Variants in CSMD3 observed in about 807,000 individuals in gnomAD.
CSMD3 encodes the protein CUB and sushi domain-containing protein 3.
In CSMD3, 177 loss-of-function variants were observed where a neutral mutation model predicts 435.2. The ratio of observed to expected loss-of-function variants is 0.41; its 90% confidence interval spans 0.36 to 0.46. CSMD3 has a LOEUF of 0.46. Ranked by LOEUF, CSMD3 falls within the 20% of genes least tolerant of loss-of-function variation. CSMD3 has a pLI of 0.34. For missense variants in CSMD3, 4,265 were observed against 4,504.6 expected, an observed-to-expected ratio of 0.95 and a Z score of 1.52; for synonymous variants, 1,656 against 1,520.5, an observed-to-expected ratio of 1.09 and a Z score of -2.07.
intron 10 of CSMD3, among the ~76,000 whole-genome samples, chr8:112,860,425 G>A (rs1414399481): frequency 1.3e-5 from 2 of 151,532 alleles, no homozygotes; most frequent in Non-Finnish European, 3.0e-5. Flanking sequence ...ATAATAAATT[G>A]TATTTTTCTT....
At chr8:112,858,325 ATAACT>A (rs533525638) in intron 11 of CSMD3, among the ~76,000 whole-genome samples, 149 of 151,934 alleles carry the variant, frequency 9.8e-4, no homozygotes, top group African/African-American at 3.5e-3. Context: ...GAGAGGTTAA[ATAACT>A]TAAAGTTATC....
chr8:112,621,339 T>G (rs887748454), intron 22 of CSMD3, among the ~76,000 whole-genome samples: 12 of 152,158 alleles, frequency 7.9e-5, no homozygotes, highest in Admixed American at 1.3e-4. Context: ...TCTGGCAATC[T>G]TGCTGCATAT....
At chr8:113,168,201 T>C (rs2092191279) in intron 4 of CSMD3, among the ~76,000 whole-genome samples, 1 of 152,082 alleles carries the variant, frequency 6.6e-6, no homozygotes, top group African/African-American at 2.4e-5. Flanking sequence ...GATGACAGTT[T>C]ACAATGGTTT....
chr8:113,026,148 C>G (rs964273823), intron 5 of CSMD3, among the ~76,000 whole-genome samples: 7 of 152,120 alleles, frequency 4.6e-5, no homozygotes, highest in African/African-American at 1.7e-4. Context: ...GACTGTGGGC[C>G]TTTCTTGCAG....
At position 112,671,158 on chromosome 8, in the gene CSMD3, G is replaced by C. The variant is rs189178767; in HGVS notation, c.2678-4743C>G. 1.2e-4 allele frequency among the ~76,000 whole-genome samples: 19 copies of C among 152,156 alleles called. No homozygotes were observed. The East Asian group carries it at 2.9e-3, about 23-fold the overall frequency. On this transcript the variant is annotated intron_variant, in intron 16 of 70. Coordinates refer to ENST00000297405, the MANE Select transcript of CSMD3 (RefSeq NM_198123.2). ...TCTCAGTTGACTGAGATAAACTTTA[G>C]TTTAACTAAATTTAGACAGGCTTCT...
At chr8:113,228,498 C>T (rs2093051720) in intron 3 of CSMD3, among the ~76,000 whole-genome samples, 1 of 151,358 alleles carries the variant, frequency 6.6e-6, no homozygotes, top group Non-Finnish European at 1.5e-5. Context: ...ATTCCCTATA[C>T]TGGAAAAGAT....
chr8:113,409,210 G>A (rs771031494), intron 1 of CSMD3, among the ~76,000 whole-genome samples: 1 of 150,782 alleles, frequency 6.6e-6, no homozygotes, highest in African/African-American at 2.4e-5. Context: ...AGCTTCCTGA[G>A]TAGCTGGGAT....
At chr8:113,385,723 C>T (rs961531767) in intron 1 of CSMD3, among the ~76,000 whole-genome samples, 5 of 151,754 alleles carry the variant, frequency 3.3e-5, no homozygotes, top group South Asian at 2.1e-4. Flanking sequence ...TAAGGGAATT[C>T]GTAAGAAAAG....
At chr8:112,703,743 G>T (rs1256783935) in intron 13 of CSMD3, among the ~76,000 whole-genome samples, 2 of 152,080 alleles carry the variant, frequency 1.3e-5, no homozygotes, top group African/African-American at 4.8e-5. Flanking sequence ...TACAAAGGTT[G>T]TGAAATATAG....
At chr8:112,547,720 A>G (rs188932217) in intron 27 of CSMD3, among the ~76,000 whole-genome samples, 74 of 152,304 alleles carry the variant, frequency 4.9e-4, no homozygotes, top group Admixed American at 8.5e-4. Context: ...AAGAATGAGC[A>G]GAATTTAAGC....
At chr8:112,363,473 T>C (rs1827459500) in intron 38 of CSMD3, among the ~76,000 whole-genome samples, 2 of 152,120 alleles carry the variant, frequency 1.3e-5, no homozygotes, top group South Asian at 2.1e-4. Context: ...TTAAGCATCC[T>C]GAGTCTTTCA....
chr8:112,764,212 G>A (rs2077918275), intron 13 of CSMD3, among the ~76,000 whole-genome samples: 1 of 151,354 alleles, frequency 6.6e-6, no homozygotes, highest in Non-Finnish European at 1.5e-5. Context: ...TTACATACTG[G>A]GGAGAGATGT....
At chr8:113,358,289 C>G (rs1364330573) in intron 1 of CSMD3, among the ~76,000 whole-genome samples, 1 of 152,180 alleles carries the variant, frequency 6.6e-6, no homozygotes, top group Non-Finnish European at 1.5e-5. Flanking sequence ...CAAAGAAATA[C>G]TACATATGCA....
chr8:113,144,085 A>G lies in CSMD3; in HGVS notation c.709+29637T>C, dbSNP rs150931423. The stretch of plus-strand genomic sequence containing the variant: ...TACTTGGGTTAAAAGGGTTATTTAT[A>G]GTTATTTTTATTATTATTTATTATA... On this transcript the variant is annotated intron_variant, in intron 4 of 70. Transcript: ENST00000297405. Among the ~76,000 whole-genome samples, 1,284 of 150,468 alleles carry G rather than the reference A, an allele frequency of 8.5e-3. 21 individuals are homozygous for G. The highest frequency in any genetic ancestry group is 0.029 in the African/African-American group (1,205 of 41,288).
At chr8:112,465,559 A>C (rs1423107536) in intron 32 of CSMD3, among the ~76,000 whole-genome samples, 1 of 152,182 alleles carries the variant, frequency 6.6e-6, no homozygotes, top group Non-Finnish European at 1.5e-5. Context: ...AATCATAAGC[A>C]CACATGATAA....
At chr8:112,983,850 G>A (rs2085145784) in intron 6 of CSMD3, among the ~76,000 whole-genome samples, 2 of 151,982 alleles carry the variant, frequency 1.3e-5, no homozygotes, top group Admixed American at 1.3e-4. Flanking sequence ...CTATTATGGT[G>A]TTGACTGTGA....
At chr8:112,820,279 G>A (rs1239084200) in intron 12 of CSMD3, among the ~76,000 whole-genome samples, 1 of 151,972 alleles carries the variant, frequency 6.6e-6, no homozygotes, top group Non-Finnish European at 1.5e-5. Flanking sequence ...ATGAGAAGTA[G>A]GTATGAACAA....
intron 3 of CSMD3, among the ~76,000 whole-genome samples, chr8:113,264,649 A>T (rs1312507396): frequency 6.6e-6 from 1 of 151,584 alleles, no homozygotes; most frequent in Non-Finnish European, 1.5e-5. Context: ...ATTTAACCTA[A>T]GAAAATAAAT....
intron 10 of CSMD3, among the ~76,000 whole-genome samples, chr8:112,887,199 T>A (rs1156545619): frequency 1.4e-5 from 1 of 70,378 alleles, no homozygotes; most frequent in East Asian, 2.7e-4. Context: ...CAATTATTTG[T>A]TTTTTTTTTT....
Sources: gnomAD v4.1 joint callset for allele counts (sites outside exome capture counted in the v4.1 genomes callset) on GRCh38, gnomAD v4.1.1 for gene constraint, MANE v1.5 for transcripts, NCBI Gene and HGNC (gene_info 2026-07-23, HGNC 2026-07-21) for gene names.